Variants in NEB observed in about 807,000 individuals in gnomAD.
NEB encodes nebulin, also known as nemaline myopathy type 2.
In NEB, 512 loss-of-function variants were observed where a neutral mutation model predicts 952.2. That is an observed-to-expected ratio of 0.54 (90% confidence interval 0.50 to 0.58). The LOEUF is 0.58. NEB is among the 20% of genes least tolerant of loss of function. NEB has a pLI of 0.00. For missense variants in NEB, 8,428 were observed against 9,231.1 expected (o/e 0.91, Z 3.56); for synonymous variants, 2,900 against 3,149.8 (o/e 0.92, Z 2.66).
intron 173 of NEB, 110 bp downstream of exon 173, chr2:151,496,166 T>G: frequency 4.0e-6 from 5 of 1,248,676 alleles, no homozygotes; most frequent in Non-Finnish European, 5.6e-6. Context: ...CTAAAGAAAT[T>G]TCACAAAATT....
Position 151,563,929 on chromosome 2 carries a change from A to G in NEB, c.18473T>C (p.Ile6158Thr). Residue 6158 changes from isoleucine to threonine, a missense_variant and splice_region_variant, in exon 118 of 182, where the codon ATA (isoleucine) becomes ACA (threonine). Physicochemically the swap from Ile to Thr is moderately conservative, Grantham distance 89. Around this residue, in one of 11 missense-constraint regions of NEB, gnomAD observed 3,374 missense variants for 3,651.5 expected, o/e 0.92. Transcript: ENST00000397345. Reference protein sequence around the residue: ...SKDMGKLYSTILYKGAWEGTK... With the variant: ...SKDMGKLYSTTLYKGAWEGTK... ...GCCCTCCCACGCCCCTTTATACAGT[A>G]TCTAGAACAAAGAAATACATGGCAA... 6.3e-7 allele frequency: 1 copy of G among 1,592,632 alleles called. No individual in the cohort carries two copies. The highest frequency in any genetic ancestry group is 8.6e-7 in the Non-Finnish European group (1 of 1,169,088).
intron 106 of NEB, 104 bp downstream of exon 106, chr2:151,576,047 T>C: frequency 4.3e-6 from 4 of 926,040 alleles, no homozygotes; most frequent in Non-Finnish European, 4.7e-6. Context: ...ATAAAATTTT[T>C]GTTATTAATA....
chr2:151,706,775 C>A (rs144979692), intron 13 of NEB, 106 bp downstream of exon 13: 3 of 797,654 alleles, frequency 3.8e-6, no homozygotes, highest in Non-Finnish European at 6.2e-6. Flanking sequence ...CACTCCATAA[C>A]CTTAATGTAT....
intron 29 of NEB, among the ~76,000 whole-genome samples, chr2:151,681,092 C>A (rs923881748): frequency 3.9e-5 from 6 of 152,252 alleles, no homozygotes; most frequent in Non-Finnish European, 8.8e-5. Flanking sequence ...TAATTTCTTG[C>A]CTATGACATG....
chr2:151,616,601 G>A (rs1261999084), intron 75 of NEB, among the ~76,000 whole-genome samples: 1 of 152,140 alleles, frequency 6.6e-6, no homozygotes, highest in Non-Finnish European at 1.5e-5. Flanking sequence ...GGCTGAGGCA[G>A]GAGAATTGCT....
rs188719625 is a variant in NEB at position 151,707,387 on chromosome 2, C to T, written c.1036-390G>A. ...CTGCTGCTATAGAACCTTCACTCAGCTCTCAACCCCCAGCTACCTACCTGC... is the reference window on the plus strand; with the variant it reads ...CTGCTGCTATAGAACCTTCACTCAGTTCTCAACCCCCAGCTACCTACCTGC... On this transcript the variant is annotated intron_variant, in intron 12 of 181. Coordinates refer to ENST00000397345, the MANE Select transcript of NEB (RefSeq NM_001164508.2). 5.6e-3 allele frequency among the ~76,000 whole-genome samples: 850 copies of T among 152,296 alleles called. 5 individuals carry two copies. Among genetic ancestry groups the T allele is most frequent in the Non-Finnish European group, 9.3e-3 (632 of 68,018 alleles).
At chr2:151,606,363 A>G (rs1487924354) in intron 84 of NEB, among the ~76,000 whole-genome samples, 1 of 74,774 alleles carries the variant, frequency 1.3e-5, no homozygotes, top group African/African-American at 3.2e-5. Flanking sequence ...TTTAATACAG[A>G]CTCTTCATGA....
Position 151,516,514 on chromosome 2 carries a change from T to C in NEB, c.22850A>G (p.Asp7617Gly), listed in dbSNP as rs776739582. ...AGTGATGTACGTTGGTGTTTCAAAG[T>C]CCAGCATGGGTTTTCCTCGTTCCTT... ...YEKERGKPML[D>G]FETPTYITAK... Residue 7617 changes from aspartate (D) to glycine (G), a missense_variant, in exon 157 of 182, where the codon GAC (aspartate) becomes GGC (glycine). Asp to Gly is a moderately conservative substitution (Grantham distance 94). Around this residue, in one of 11 missense-constraint regions of NEB, gnomAD observed 3,374 missense variants for 3,651.5 expected, o/e 0.92. Coordinates refer to ENST00000397345, the MANE Select transcript of NEB (RefSeq NM_001164508.2). The C allele has an allele frequency of 1.4e-5, 22 of 1,613,516 alleles. No individual in the cohort carries two copies. The highest frequency in any genetic ancestry group is 1.9e-5 in the Non-Finnish European group (22 of 1,179,698).
Position 151,505,862 on chromosome 2 carries a change from G to A in NEB, c.23650-292C>T, listed in dbSNP as rs574925585. ...CCAATGTCTTTATGCCCAGCAGGTCGTTTGACTAGGATAAACAGATTGACA... is the reference window on the plus strand; with the variant it reads ...CCAATGTCTTTATGCCCAGCAGGTCATTTGACTAGGATAAACAGATTGACA... On this transcript the variant is annotated intron_variant, in intron 164 of 181. Transcript: ENST00000397345. 2.4e-5 allele frequency: 13 copies of A among 531,094 alleles called. No homozygotes were observed. The East Asian group carries it at 3.5e-4, about 14-fold the overall frequency. 32.9% of individuals were successfully genotyped at this position (531,094 alleles called of 1,614,324 possible).
intron 138 of NEB, among the ~76,000 whole-genome samples, chr2:151,538,642 G>A (rs2093606261): frequency 6.6e-6 from 1 of 150,892 alleles, no homozygotes; most frequent in South Asian, 2.1e-4. Flanking sequence ...GTTCATTTGA[G>A]AGAAAAAAAA....
At position 151,697,218 on chromosome 2, in the gene NEB, C is replaced by CCTCTGCCTT; in HGVS notation, c.1399_1400insAAGGCAGAG (p.Arg466_Gly467insGluGlyArg). 1 of 1,613,764 alleles carries CCTCTGCCTT rather than the reference C, an allele frequency of 6.2e-7. No homozygotes were observed. Among genetic ancestry groups the CCTCTGCCTT allele is most frequent in the Non-Finnish European group, 8.5e-7 (1 of 1,179,846 alleles). On this transcript the variant is annotated inframe_insertion, in exon 16 of 182. Coordinates refer to ENST00000397345, the MANE Select transcript of NEB (RefSeq NM_001164508.2). ...TATGGTCTGAGGGAAGAAGCCTTTGCCTCTGTCTTCTTCGTATTCTGCTTT... is the reference window on the plus strand; with the variant it reads ...TATGGTCTGAGGGAAGAAGCCTTTGCCTCTGCCTTCTCTGTCTTCTTCGTATTCTGCTTT...
chr2:151,632,706 C>G (rs1352453237), intron 65 of NEB, among the ~76,000 whole-genome samples: 1 of 140,642 alleles, frequency 7.1e-6, no homozygotes, highest in Non-Finnish European at 1.6e-5. Context: ...AGAATGAAAA[C>G]AATAACAGTT....
chr2:151,506,101 A>G, intron 164 of NEB, 65 bp downstream of exon 164: 4 of 1,358,864 alleles, frequency 2.9e-6, no homozygotes, highest in Non-Finnish European at 4.2e-6. Flanking sequence ...AGTGCAACTC[A>G]TAGGTCATTG....
chr2:151,619,813 T>C, intron 72 of NEB, 51 bp from the exon 73 acceptor site: 3 of 1,533,484 alleles, frequency 2.0e-6, no homozygotes, highest in South Asian at 2.5e-5. Flanking sequence ...GGCTATTCCC[T>C]GTTGTTCTTT....
intron 8 of NEB, 79 bp from the exon 9 acceptor site, chr2:151,723,565 T>G: frequency 9.5e-7 from 1 of 1,050,416 alleles, no homozygotes; most frequent in South Asian, 1.4e-5. Context: ...ATTCATCCAT[T>G]AATAACCTAA....
rs534167667 is a variant in NEB at position 151,635,168 on chromosome 2, C to T, written c.9102+1059G>A. ...ATTATGAAGAGTAAGTGAGACAATGCATATAAAGCTCTTAGCAAAGAGTTC... is the reference window on the plus strand; with the variant it reads ...ATTATGAAGAGTAAGTGAGACAATGTATATAAAGCTCTTAGCAAAGAGTTC... On this transcript the variant is annotated intron_variant, in intron 64 of 181. Coordinates refer to ENST00000397345, the MANE Select transcript of NEB (RefSeq NM_001164508.2). Among the ~76,000 whole-genome samples, 11 of 152,124 alleles carry T rather than the reference C, an allele frequency of 7.2e-5. No homozygotes were observed. The South Asian group carries it at 1.0e-3, about 14-fold the overall frequency.
rs2099017235 is a variant in NEB at position 151,650,345 on chromosome 2, C to G, written c.7262G>C (p.Gly2421Ala). ...AGAACCCAAGGGACTCCATCCTATG[C>G]CTCTCAGCCACTCAAGGTCAGATTT... Reference protein sequence around the residue: ...LYKSDLEWLRGIGWSPLGSLE... With the variant: ...LYKSDLEWLRAIGWSPLGSLE... The change falls in exon 54 of 182, where the codon GGC becomes GCC. Residue 2421 changes from glycine to alanine, a missense_variant. Transcript: ENST00000397345. The G allele has an allele frequency of 6.2e-7, 1 of 1,613,784 alleles. No homozygotes were observed. Among genetic ancestry groups the G allele is most frequent in the Non-Finnish European group, 8.5e-7 (1 of 1,179,858 alleles).
chr2:151,491,924 C>A lies in NEB; in HGVS notation c.25058-149G>T. 4.2e-6 allele frequency: 4 copies of A among 961,464 alleles called. No homozygotes were observed. In the South Asian group the frequency reaches 5.0e-5, roughly 12 times the overall value. The allele number at this position is 961,464 out of a possible 1,614,324, so 59.6% of individuals were successfully genotyped here. The stretch of plus-strand genomic sequence containing the variant: ...GTCATGTCTTTTCCTCAGAGGAGAA[C>A]AAAGATAAGGTAGAAATCAGCTTTG... On this transcript the variant is annotated intron_variant, in intron 178 of 181. Coordinates refer to ENST00000397345, the MANE Select transcript of NEB (RefSeq NM_001164508.2).
chr2:151,679,862 A>T, intron 31 of NEB, 34 bp from the exon 32 acceptor site: 1 of 1,608,968 alleles, frequency 6.2e-7, no homozygotes, highest in Non-Finnish European at 8.5e-7. Context: ...TACAACTTAG[A>T]GACTGTGTTA....
Sources: gnomAD v4.1 joint callset for allele counts (sites outside exome capture counted in the v4.1 genomes callset) on GRCh38, gnomAD v4.1.1 for gene constraint, gnomAD v4.1.1 regional missense constraint, MANE v1.5 for transcripts, NCBI Gene and HGNC (gene_info 2026-07-23, HGNC 2026-07-21) for gene names.